Variants in GCNT1 observed in about 807,000 individuals in gnomAD.
The protein encoded by GCNT1 is beta-1,3-galactosyl-O-glycosyl-glycoprotein beta-1,6-N-acetylglucosaminyltransferase.
A neutral mutation model predicts 26.2 loss-of-function variants in GCNT1; 16 were observed. That is an observed-to-expected ratio of 0.61 (90% CI 0.41 to 0.93). GCNT1 has a LOEUF of 0.93. Ranked by LOEUF, GCNT1 falls within the 40% of genes least tolerant of loss-of-function variation. GCNT1 has a pLI of 0.00. For synonymous variants in GCNT1, 183 were observed against 190.8 expected, an observed-to-expected ratio of 0.96 and a Z score of 0.34; for missense variants, 477 against 526.7, an observed-to-expected ratio of 0.91 and a Z score of 0.92.
intron 2 of GCNT1, among the ~76,000 whole-genome samples, chr9:76,468,388 T>C (rs1467214528): frequency 6.6e-6 from 1 of 152,192 alleles, no homozygotes; most frequent in Non-Finnish European, 1.5e-5. Flanking sequence ...TTAGAGCATC[T>C]CAGGTTAGAC....
chr9:76,484,748 A>G (rs1824519975), intron 2 of GCNT1, among the ~76,000 whole-genome samples: 1 of 150,770 alleles, frequency 6.6e-6, no homozygotes, highest in Non-Finnish European at 1.5e-5. Context: ...TTATATTACT[A>G]TAGCCATGTA....
the GCNT1 span, among the ~76,000 whole-genome samples, chr9:76,405,758 T>A: frequency 6.6e-6 from 1 of 152,254 alleles, no homozygotes; most frequent in Admixed American, 6.5e-5. Flanking sequence ...TTCTATTGTC[T>A]GTGTGTATCA....
the GCNT1 span, among the ~76,000 whole-genome samples, chr9:76,413,673 T>TTTTTTTTTTTTTTTG: frequency 7.8e-6 from 1 of 128,146 alleles, no homozygotes; most frequent in African/African-American, 2.8e-5. Context: ...TTTTTGTTTT[T>TTTTTTTTTTTTTTTG]TTTTTTTTTT....
intron 3 of GCNT1, among the ~76,000 whole-genome samples, 199 bp downstream of exon 3, chr9:76,501,260 CT>C (rs1457300343): frequency 1.3e-5 from 2 of 152,014 alleles, no homozygotes; most frequent in African/African-American, 4.8e-5. Flanking sequence ...ACTTGACTTT[CT>C]TTTTTTAGAA....
chr9:76,470,476 G>T (rs1824103954), intron 2 of GCNT1, among the ~76,000 whole-genome samples: 1 of 151,788 alleles, frequency 6.6e-6, no homozygotes, highest in African/African-American at 2.4e-5. Flanking sequence ...GTGGTGGTGT[G>T]CGTCTGTAGT....
At chr9:76,483,184 T>TA (rs1824468247) in intron 2 of GCNT1, among the ~76,000 whole-genome samples, 1 of 152,080 alleles carries the variant, frequency 6.6e-6, no homozygotes, top group African/African-American at 2.4e-5. Flanking sequence ...TGTAAATAAT[T>TA]AAAATTTTAA....
chr9:76,425,820 T>G (rs1564219629), intron 1 of GCNT1, among the ~76,000 whole-genome samples: 1 of 152,090 alleles, frequency 6.6e-6, no homozygotes, highest in Non-Finnish European at 1.5e-5. Flanking sequence ...GATTAAATCA[T>G]AGAGAGTCGA....
the GCNT1 span, chr9:76,394,483 G>T: frequency 6.1e-4 from 164 of 267,108 alleles, no homozygotes; most frequent in South Asian, 1.1e-3. Flanking sequence ...GCCGGCCTCC[G>T]CGCCGCCGGC....
chr9:76,462,177 C>T (rs1823886396), intron 2 of GCNT1, among the ~76,000 whole-genome samples: 1 of 150,340 alleles, frequency 6.7e-6, no homozygotes, highest in Non-Finnish European at 1.5e-5. Context: ...ACCAAGGACT[C>T]TTGTCACTAT....
At position 76,476,443 on chromosome 9, in the gene GCNT1, A is replaced by T. The variant is rs533524708; in HGVS notation, c.-290+16266A>T. Among the ~76,000 whole-genome samples the T allele has an allele frequency of 4.1e-4, 63 of 152,242 alleles. 1 individual carries two copies. The South Asian group carries it at 0.013, about 32-fold the overall frequency. On this transcript the variant is annotated intron_variant, in intron 2 of 3. Transcript: ENST00000376730. The stretch of plus-strand genomic sequence containing the variant: ...TTTAGATTTGAAAAAAAAAAAGAGA[A>T]AAAGAAAAAAGTCCATTACTCTTCA...
At chr9:76,478,442 C>A (rs1191058388) in intron 2 of GCNT1, among the ~76,000 whole-genome samples, 4 of 152,132 alleles carry the variant, frequency 2.6e-5, no homozygotes, top group Non-Finnish European at 4.4e-5. Flanking sequence ...AAACTCAGGA[C>A]ACATCTGAAC....
chr9:76,500,008 A>G, intron 2 of GCNT1, among the ~76,000 whole-genome samples: 1 of 152,168 alleles, frequency 6.6e-6, no homozygotes, highest in East Asian at 1.9e-4. Context: ...GAACATATTT[A>G]TAAGAGCTGA....
At chr9:76,502,059 A>C (rs671326) in intron 3 of GCNT1, 180 bp from the exon 4 acceptor site, 137,712 of 153,856 alleles carry the variant, frequency 0.9, 61,896 homozygotes, top group East Asian at 0.98. Context: ...GTACTACTAC[A>C]ATTTATCCTC....
At chr9:76,418,645 A>G (rs1823152833), upstream of GCNT1, among the ~76,000 whole-genome samples, 1 of 152,218 alleles carries the variant, frequency 6.6e-6, no homozygotes, top group Non-Finnish European at 1.5e-5. Context: ...TTACCCAATA[A>G]CCCAAATGAG....
At chr9:76,454,209 C>T (rs932152783), upstream of GCNT1, among the ~76,000 whole-genome samples, 3 of 151,452 alleles carry the variant, frequency 2.0e-5, no homozygotes, top group African/African-American at 7.3e-5. Flanking sequence ...GGTGAAAACT[C>T]GTCTAAAAAT....
intron 2 of GCNT1, among the ~76,000 whole-genome samples, chr9:76,465,551 A>T (rs1039156078): frequency 7.9e-5 from 12 of 152,192 alleles, no homozygotes; most frequent in African/African-American, 2.9e-4. Context: ...GACCAATTAG[A>T]AAAAATGCAC....
chr9:76,492,906 G>A (rs1034851182), intron 2 of GCNT1, among the ~76,000 whole-genome samples: 23 of 151,990 alleles, frequency 1.5e-4, no homozygotes, highest in Non-Finnish European at 3.2e-4. Context: ...CCGAGGTTGC[G>A]AGGTTTAATA....
the GCNT1 span, among the ~76,000 whole-genome samples, chr9:76,408,700 T>C: frequency 1.4e-4 from 22 of 152,132 alleles, no homozygotes; most frequent in South Asian, 6.2e-4. Context: ...TCTTCTTCTT[T>C]TTTTAGATGG....
the GCNT1 span, among the ~76,000 whole-genome samples, chr9:76,412,646 G>A: frequency 6.6e-6 from 1 of 152,124 alleles, no homozygotes; most frequent in Non-Finnish European, 1.5e-5. Context: ...TTTGAACACA[G>A]GTTTAATTTT....
Sources: gnomAD v4.1 joint callset for allele counts (sites outside exome capture counted in the v4.1 genomes callset) on GRCh38, gnomAD v4.1.1 for gene constraint, MANE v1.5 for transcripts, NCBI Gene and HGNC (gene_info 2026-07-23, HGNC 2026-07-21) for gene names.